BTBD9: variants seen among roughly 807,000 people sequenced by gnomAD.
BTBD9 encodes BTB/POZ domain-containing protein 9.
In BTBD9, 49 loss-of-function variants were observed where a neutral mutation model predicts 64.3. The ratio of observed to expected loss-of-function variants is 0.76; its 90% confidence interval spans 0.61 to 0.97. The LOEUF (loss-of-function observed/expected upper bound fraction) is 0.97, where lower values mean the gene tolerates loss of function less well. Among genes scored for constraint, BTBD9 ranks in the 50% least tolerant of loss-of-function variants. BTBD9 has a pLI of 0.00. For missense variants in BTBD9, 598 were observed against 762.1 expected, an observed-to-expected ratio of 0.78 and a Z score of 2.53; for synonymous variants, 260 against 274.7, an observed-to-expected ratio of 0.95 and a Z score of 0.53.
chr6:38,195,440 G>A (rs1762244328), intron 9 of BTBD9, among the ~76,000 whole-genome samples: 1 of 152,158 alleles, frequency 6.6e-6, no homozygotes, highest in African/African-American at 2.4e-5. Context: ...TCAGAGCCAG[G>A]GCTGGGCGCT....
chr6:38,256,880 G>T (rs935808130), intron 8 of BTBD9, among the ~76,000 whole-genome samples: 4 of 151,978 alleles, frequency 2.6e-5, no homozygotes, highest in African/African-American at 4.8e-5. Flanking sequence ...ATTTCGAGTT[G>T]ATTTTTATTT....
chr6:38,218,089 T>C (rs1051096703), intron 9 of BTBD9, among the ~76,000 whole-genome samples: 1 of 151,964 alleles, frequency 6.6e-6, no homozygotes, highest in Non-Finnish European at 1.5e-5. Flanking sequence ...GGTTGTGTAG[T>C]TGGGTCCTAG....
chr6:38,605,238 G>A (rs1471017381), intron 1 of BTBD9, among the ~76,000 whole-genome samples: 1 of 151,862 alleles, frequency 6.6e-6, no homozygotes, highest in Non-Finnish European at 1.5e-5. Flanking sequence ...GTAGAGACGG[G>A]GTTTCACCAT....
At chr6:38,334,378 A>G (rs935649064) in intron 7 of BTBD9, among the ~76,000 whole-genome samples, 1 of 152,116 alleles carries the variant, frequency 6.6e-6, no homozygotes, top group African/African-American at 2.4e-5. Flanking sequence ...CCTGGCCAAC[A>G]TGGTGAAACT....
At chr6:38,355,002 C>G (rs1190026111) in intron 6 of BTBD9, among the ~76,000 whole-genome samples, 1 of 151,994 alleles carries the variant, frequency 6.6e-6, no homozygotes, top group Non-Finnish European at 1.5e-5. Context: ...AATACACTAT[C>G]CCAGGGACTG....
At chr6:38,380,800 A>G (rs1415294648) in intron 6 of BTBD9, among the ~76,000 whole-genome samples, 1 of 152,200 alleles carries the variant, frequency 6.6e-6, no homozygotes, top group Non-Finnish European at 1.5e-5. Flanking sequence ...AGCTATGATC[A>G]TGACACTGCA....
At chr6:38,292,219 C>T (rs1017451589) in intron 7 of BTBD9, among the ~76,000 whole-genome samples, 17 of 152,190 alleles carry the variant, frequency 1.1e-4, no homozygotes, top group African/African-American at 4.1e-4. Context: ...CAGCCTCAGC[C>T]TCCCAAAGTG....
At chr6:38,426,534 C>G (rs1019559745) in intron 6 of BTBD9, among the ~76,000 whole-genome samples, 57 of 151,902 alleles carry the variant, frequency 3.8e-4, no homozygotes, top group African/African-American at 1.1e-3. Context: ...TCCACCACTG[C>G]TGTTTTGCCG....
At chr6:38,225,362 G>A (rs1166707293) in intron 9 of BTBD9, among the ~76,000 whole-genome samples, 1 of 152,212 alleles carries the variant, frequency 6.6e-6, no homozygotes, top group Non-Finnish European at 1.5e-5. Context: ...GATGCAAAAT[G>A]CTCAGGAGAC....
chr6:38,545,778 CAAA>C (rs1224870392), intron 6 of BTBD9, among the ~76,000 whole-genome samples: 6 of 68,882 alleles, frequency 8.7e-5, no homozygotes, highest in Admixed American at 3.6e-4. Flanking sequence ...GACTCCGTCT[CAAA>C]AAAAAAAAAA....
chr6:38,505,633 A>G (rs923227742), intron 6 of BTBD9, among the ~76,000 whole-genome samples: 13 of 151,392 alleles, frequency 8.6e-5, no homozygotes, highest in Non-Finnish European at 1.5e-4. Context: ...CAAGAAAAAA[A>G]AAAAATCCCC....
intron 9 of BTBD9, among the ~76,000 whole-genome samples, chr6:38,200,349 C>T (rs879295347): frequency 3.3e-5 from 5 of 152,092 alleles, no homozygotes; most frequent in African/African-American, 4.8e-5. Flanking sequence ...TAATAATGTA[C>T]CTCAAGAAAC....
chr6:38,322,706 A>G (rs1467999670), intron 7 of BTBD9, among the ~76,000 whole-genome samples: 1 of 152,200 alleles, frequency 6.6e-6, no homozygotes, highest in Non-Finnish European at 1.5e-5. Context: ...TAACTTTGAA[A>G]TGTCAAAAGC....
At chr6:38,274,628 T>C (rs567752889) in intron 8 of BTBD9, among the ~76,000 whole-genome samples, 4 of 152,370 alleles carry the variant, frequency 2.6e-5, no homozygotes, top group South Asian at 2.1e-4. Context: ...TCTGCATCTA[T>C]TGAGATAATC....
At chr6:38,332,454 C>G (rs961688372) in intron 7 of BTBD9, among the ~76,000 whole-genome samples, 2 of 152,158 alleles carry the variant, frequency 1.3e-5, no homozygotes, top group Admixed American at 1.3e-4. Context: ...ACATTATATT[C>G]TTACACATAC....
intron 5 of BTBD9, among the ~76,000 whole-genome samples, chr6:38,579,348 T>C (rs543359411): frequency 1.3e-5 from 2 of 152,318 alleles, no homozygotes; most frequent in East Asian, 3.9e-4. Flanking sequence ...CATGCCCAGA[T>C]CTGAAGAGGC....
chr6:38,211,615 ATGCC>A (rs1762838256), intron 9 of BTBD9, among the ~76,000 whole-genome samples: 2 of 151,300 alleles, frequency 1.3e-5, no homozygotes, highest in Non-Finnish European at 2.9e-5. Context: ...GTGGTGGTGC[ATGCC>A]TATAATCCTA....
intron 6 of BTBD9, among the ~76,000 whole-genome samples, chr6:38,396,385 C>T (rs1766673854): frequency 6.6e-6 from 1 of 152,216 alleles, no homozygotes; most frequent in African/African-American, 2.4e-5. Flanking sequence ...TATACTGAGT[C>T]ACCCTTCTAC....
At chr6:38,536,360 C>T (rs1339351411) in intron 6 of BTBD9, among the ~76,000 whole-genome samples, 3 of 152,126 alleles carry the variant, frequency 2.0e-5, no homozygotes, top group Non-Finnish European at 4.4e-5. Flanking sequence ...AAAGGGAACC[C>T]TCGTACACTG....
Sources: gnomAD v4.1 joint callset for allele counts (sites outside exome capture counted in the v4.1 genomes callset) on GRCh38, gnomAD v4.1.1 for gene constraint, MANE v1.5 for transcripts, NCBI Gene and HGNC (gene_info 2026-07-23, HGNC 2026-07-21) for gene names.